The following PCDH7 variants were observed in gnomAD, a reference collection of about 807,000 sequenced individuals.
PCDH7 encodes the protein protocadherin 7.
In PCDH7, 17 loss-of-function variants were observed where a neutral mutation model predicts 58.9. That is an observed-to-expected ratio of 0.29 (90% CI 0.20 to 0.43). The LOEUF (loss-of-function observed/expected upper bound fraction) is 0.43, where lower values mean the gene tolerates loss of function less well. Among genes scored for constraint, PCDH7 ranks in the 20% least tolerant of loss-of-function variants. The pLI, the probability that PCDH7 is intolerant of heterozygous loss-of-function variation, is 1.00. For missense variants in PCDH7, 1,274 were observed against 1,441.0 expected, an observed-to-expected ratio of 0.88 and a Z score of 1.88; for synonymous variants, 664 against 616.4, an observed-to-expected ratio of 1.08 and a Z score of -1.14.
intron 1 of PCDH7, among the ~76,000 whole-genome samples, chr4:30,738,363 A>G (rs1308036465): frequency 1.3e-5 from 2 of 152,124 alleles, no homozygotes; most frequent in Admixed American, 6.5e-5. Context: ...GATGAGCTCC[A>G]AAAAACCAAC....
chr4:31,050,753 G>T (rs1756669473), intron 3 of PCDH7, among the ~76,000 whole-genome samples: 2 of 152,044 alleles, frequency 1.3e-5, no homozygotes, highest in African/African-American at 4.8e-5. Context: ...ACAAAAATTG[G>T]TGTAATTAAG....
intron 1 of PCDH7, among the ~76,000 whole-genome samples, chr4:30,798,327 A>G (rs1022313318): frequency 6.6e-6 from 1 of 152,134 alleles, no homozygotes; most frequent in African/African-American, 2.4e-5. Context: ...AAATAACCCT[A>G]AATATATCTG....
In PCDH7 at chr4:30,722,287, T is replaced by A; in HGVS notation, c.865T>A (p.Ser289Thr). ...GCGCGACGGCGGCGACCCGCCTCGC[T>A]CCTCGCAGGCCATCCTACGGGTCCT... The change falls in exon 1 of 2, where the codon TCC (serine) becomes ACC (threonine). Residue 289 changes from serine (S) to threonine (T), a missense_variant. Coordinates refer to ENST00000361762, the Ensembl canonical transcript of PCDH7. The surrounding 1 kb of genome is among the most constrained non-coding windows in gnomAD (Gnocchi z 7.6). 1 of 1,604,418 alleles carries A rather than the reference T, an allele frequency of 6.2e-7. No homozygotes were observed. Among genetic ancestry groups the A allele is most frequent in the Non-Finnish European group, 8.5e-7 (1 of 1,176,560 alleles).
intron 3 of PCDH7, among the ~76,000 whole-genome samples, chr4:30,963,004 A>G (rs1312942917): frequency 2.0e-5 from 3 of 152,128 alleles, no homozygotes; most frequent in African/African-American, 7.2e-5. Flanking sequence ...TTATTTGCCA[A>G]TCAGAGGAAG....
intron 1 of PCDH7, among the ~76,000 whole-genome samples, chr4:30,863,686 A>G (rs189125250): frequency 1.3e-5 from 2 of 152,076 alleles, no homozygotes; most frequent in Non-Finnish European, 2.9e-5. Context: ...ATACTTCTCC[A>G]TATACTCATT....
chr4:30,923,507 C>T (rs545996370), intron 2 of PCDH7, among the ~76,000 whole-genome samples: 11 of 152,070 alleles, frequency 7.2e-5, no homozygotes, highest in African/African-American at 2.4e-4. Context: ...AACACATTAC[C>T]GCCAAATGTA....
chr4:30,992,372 A>G (rs1018269302), intron 3 of PCDH7, among the ~76,000 whole-genome samples: 42 of 152,204 alleles, frequency 2.8e-4, no homozygotes, highest in African/African-American at 9.9e-4. Context: ...TGGCCACACA[A>G]AGATATGAGA....
At chr4:31,043,685 C>T (rs1301035178) in intron 3 of PCDH7, among the ~76,000 whole-genome samples, 2 of 152,026 alleles carry the variant, frequency 1.3e-5, no homozygotes, top group African/African-American at 2.4e-5. Flanking sequence ...AGATGCTGGA[C>T]GTTAGACATT....
At chr4:31,046,485 C>T (rs1245020359) in intron 3 of PCDH7, among the ~76,000 whole-genome samples, 1 of 152,014 alleles carries the variant, frequency 6.6e-6, no homozygotes, top group Admixed American at 6.6e-5. Flanking sequence ...TTTGCCATGA[C>T]TCAAATAATC....
chr4:30,844,471 C>T (rs1048010765), intron 1 of PCDH7, among the ~76,000 whole-genome samples: 1 of 152,124 alleles, frequency 6.6e-6, no homozygotes, highest in African/African-American at 2.4e-5. Context: ...TTAGTATCGA[C>T]TTCCACATAC....
intron 1 of PCDH7, among the ~76,000 whole-genome samples, chr4:30,918,164 C>A (rs1054715034): frequency 1.1e-4 from 17 of 152,222 alleles, no homozygotes; most frequent in African/African-American, 4.1e-4. Context: ...GTCTGCATGA[C>A]CCTTGGCATT....
chr4:31,101,408 T>C (rs569598596), intron 3 of PCDH7, among the ~76,000 whole-genome samples: 3 of 152,162 alleles, frequency 2.0e-5, no homozygotes, highest in Non-Finnish European at 4.4e-5. Context: ...GTAAGTATAA[T>C]TCAGGTAGTA....
At chr4:30,866,333 C>T (rs2109358331) in intron 1 of PCDH7, among the ~76,000 whole-genome samples, 1 of 152,122 alleles carries the variant, frequency 6.6e-6, no homozygotes. Flanking sequence ...AAACTTCCTC[C>T]AGAAAGAAGT....
At chr4:30,751,422 C>T (rs1179543651) in intron 1 of PCDH7, among the ~76,000 whole-genome samples, 1 of 152,090 alleles carries the variant, frequency 6.6e-6, no homozygotes, top group African/African-American at 2.4e-5. Flanking sequence ...CAAAAGAGTT[C>T]TTCTGTTTCC....
At chr4:30,811,267 T>TTG (rs1165345175) in intron 1 of PCDH7, among the ~76,000 whole-genome samples, 1 of 152,188 alleles carries the variant, frequency 6.6e-6, no homozygotes, top group Non-Finnish European at 1.5e-5. Context: ...TTCAGTGTGA[T>TTG]TCAACAGACA....
chr4:30,721,566 C>A lies in PCDH7; in HGVS notation c.144C>A (p.Ile48=). Residue 48 remains isoleucine (I), a synonymous_variant, in exon 1 of 2, where the codon ATC becomes ATA. Coordinates refer to ENST00000361762, the Ensembl canonical transcript of PCDH7. The surrounding 1 kb of genome is among the most constrained non-coding windows in gnomAD (Gnocchi z 6.7). ...AGGAGGGCCCCGCCGACGTCCGCAT[C>A]GGCAACGTGGCTTCAGACCTGGGCA... 6.2e-7 allele frequency: 1 copy of A among 1,606,744 alleles called. No individual in the cohort carries two copies. Among genetic ancestry groups the A allele is most frequent in the Non-Finnish European group, 8.5e-7 (1 of 1,179,864 alleles).
intron 3 of PCDH7, among the ~76,000 whole-genome samples, chr4:31,032,127 A>G (rs1031241252): frequency 1.3e-5 from 2 of 152,200 alleles, no homozygotes; most frequent in African/African-American, 4.8e-5. Context: ...ATGACAAACA[A>G]CTTCTTAAGA....
intron 3 of PCDH7, among the ~76,000 whole-genome samples, chr4:30,987,169 T>C (rs1437786086): frequency 6.6e-6 from 1 of 151,978 alleles, no homozygotes; most frequent in Non-Finnish European, 1.5e-5. Flanking sequence ...TCTACACTAC[T>C]CCAAAATCTT....
intron 3 of PCDH7, among the ~76,000 whole-genome samples, chr4:31,104,283 T>C (rs986141149): frequency 3.9e-5 from 6 of 152,190 alleles, no homozygotes; most frequent in African/African-American, 1.4e-4. Context: ...TGAAATGAAC[T>C]GTGTGAGGTT....
Sources: gnomAD v4.1 joint callset for allele counts (sites outside exome capture counted in the v4.1 genomes callset) on GRCh38, gnomAD v4.1.1 for gene constraint, Gnocchi (gnomAD v3.1) non-coding constraint, MANE v1.5 for transcripts, NCBI Gene and HGNC (gene_info 2026-07-23, HGNC 2026-07-21) for gene names.